The following ME3 variants were observed in gnomAD, a reference collection of about 807,000 sequenced individuals.
The protein encoded by ME3 is NADP-dependent malic enzyme, mitochondrial.
ME3 carries 48 observed loss-of-function variants against 68.9 expected under a neutral mutation model. The ratio of observed to expected loss-of-function variants is 0.70; its 90% CI spans 0.55 to 0.89. The LOEUF is 0.89. Ranked by LOEUF, ME3 falls within the 40% of genes least tolerant of loss-of-function variation. ME3 has a pLI of 0.00. For synonymous variants in ME3, 320 were observed against 318.8 expected (o/e 1.00, Z -0.04); for missense variants, 675 against 797.4 (o/e 0.85, Z 1.85).
intron 4 of ME3, among the ~76,000 whole-genome samples, chr11:86,546,461 A>G (rs954438233): frequency 6.6e-6 from 1 of 152,226 alleles, no homozygotes; most frequent in African/African-American, 2.4e-5. Flanking sequence ...ACTTAAACAA[A>G]TTTACAAGAA....
At chr11:86,613,561 T>G (rs1000867304) in intron 2 of ME3, among the ~76,000 whole-genome samples, 34 of 152,168 alleles carry the variant, frequency 2.2e-4, no homozygotes, top group Non-Finnish European at 5.9e-5. Flanking sequence ...ATTTTATATT[T>G]AGAAAACCCC....
rs190604441 is a variant in ME3 at position 86,588,617 on chromosome 11, G to C, written c.184-28794C>G. Among the ~76,000 whole-genome samples, 14 of 152,298 alleles carry C rather than the reference G, an allele frequency of 9.2e-5. No individual in the cohort carries two copies. The East Asian group carries it at 2.7e-3, about 29-fold the overall frequency. On this transcript the variant is annotated intron_variant, in intron 2 of 14. Coordinates refer to ENST00000543262, the Ensembl canonical transcript of ME3. ...GGATGAGCCATTGTTTCAGGACTTA[G>C]GCTGTGAAGGAAAAACAGCAGCCTC...
At chr11:86,547,582 T>C (rs1189896964) in intron 4 of ME3, among the ~76,000 whole-genome samples, 2 of 152,190 alleles carry the variant, frequency 1.3e-5, no homozygotes, top group Non-Finnish European at 2.9e-5. Context: ...TATACCTATG[T>C]AACAAACCTG....
chr11:86,447,598 C>G (rs1429072250), intron 11 of ME3, among the ~76,000 whole-genome samples: 1 of 152,100 alleles, frequency 6.6e-6, no homozygotes. Flanking sequence ...GCAATCCTAG[C>G]ACTTTGGGAG....
At chr11:86,562,440 G>A (rs1957281066) in intron 2 of ME3, among the ~76,000 whole-genome samples, 1 of 152,136 alleles carries the variant, frequency 6.6e-6, no homozygotes, top group African/African-American at 2.4e-5. Context: ...TGGTAAAACT[G>A]TGCTTAGCTT....
Position 86,448,538 on chromosome 11 carries a change from C to T in ME3, c.1132-283G>A, listed in dbSNP as rs957306355. Among the ~76,000 whole-genome samples, 12 of 152,252 alleles carry T rather than the reference C, an allele frequency of 7.9e-5. No individual in the cohort carries two copies. In the South Asian group the frequency reaches 1.2e-3, roughly 16 times the overall value. ...TTTGAGCTGTTAGGATTATGGCTTC[C>T]TGGGCCAGGACAGAAAGGCTTTTGG... On this transcript the variant is annotated intron_variant, in intron 10 of 14. Transcript: ENST00000543262.
chr11:86,584,489 C>G (rs142764468), intron 2 of ME3, among the ~76,000 whole-genome samples: 2 of 152,228 alleles, frequency 1.3e-5, no homozygotes, highest in East Asian at 3.9e-4. Flanking sequence ...TAATTAAAAT[C>G]AAAATCTCAA....
rs184055431 is a variant in ME3 at position 86,653,173 on chromosome 11, T to C, written c.183+18589A>G. Among the ~76,000 whole-genome samples the C allele has an allele frequency of 2.5e-3, 383 of 152,158 alleles. 1 individual carries two copies. The highest frequency in any genetic ancestry group is 8.8e-3 in the African/African-American group (367 of 41,542). Reference sequence around the variant, plus strand: ...AGACTTTAACACCCCACTGTCAACATTAGACAGATGAACGAGACAGAAAGT... The same window carrying C: ...AGACTTTAACACCCCACTGTCAACACTAGACAGATGAACGAGACAGAAAGT... On this transcript the variant is annotated intron_variant, in intron 2 of 14. Transcript: ENST00000543262.
Position 86,508,873 on chromosome 11 carries a change from A to G in ME3, c.468-6T>C. 6.2e-7 allele frequency: 1 copy of G among 1,610,546 alleles called. No homozygotes were observed. The highest frequency in any genetic ancestry group is 1.1e-5 in the South Asian group (1 of 91,014). On this transcript the variant is annotated splice_region_variant and splice_polypyrimidine_tract_variant and intron_variant, in intron 4 of 14. Transcript: ENST00000543262. ...GAATGGTGATGAACAGTCCACTAAA[A>G]GAAATAAAACACGTACACACAGAGA...
At chr11:86,449,768 C>T (rs1003643262) in intron 10 of ME3, 121 bp downstream of exon 10, 7 of 693,292 alleles carry the variant, frequency 1.0e-5, no homozygotes, top group African/African-American at 7.1e-5. Context: ...GAGCTTAGGC[C>T]ATTGCCCTCA....
In ME3 at chr11:86,556,549, T is replaced by G. The variant is rs1173175948; in HGVS notation, c.467+4A>C. The G allele has an allele frequency of 6.2e-7, 1 of 1,612,928 alleles. No homozygotes were observed. The highest frequency in any genetic ancestry group is 2.2e-5 in the East Asian group (1 of 44,866). ...CCCAGAGCCCTCACTCCACGGGGGC[T>G]CACCGGGGCCTGCGGAAAGTCAGGC... On this transcript the variant is annotated splice_donor_region_variant and intron_variant, in intron 4 of 14. Transcript: ENST00000543262.
At chr11:86,598,096 G>A (rs1006608812) in intron 2 of ME3, among the ~76,000 whole-genome samples, 12 of 152,220 alleles carry the variant, frequency 7.9e-5, no homozygotes, top group South Asian at 4.1e-4. Flanking sequence ...GACAGTGGGC[G>A]CAGGACAGTG....
At chr11:86,559,257 C>G (rs1957081576) in intron 3 of ME3, among the ~76,000 whole-genome samples, 1 of 151,962 alleles carries the variant, frequency 6.6e-6, no homozygotes, top group South Asian at 2.1e-4. Flanking sequence ...TCTCCCCCAC[C>G]ACGTCCCCCT....
intron 2 of ME3, among the ~76,000 whole-genome samples, chr11:86,583,692 A>T (rs994853463): frequency 1.3e-5 from 2 of 152,184 alleles, no homozygotes; most frequent in Non-Finnish European, 1.5e-5. Flanking sequence ...GACTTCCCTG[A>T]GGAAGCAATA....
At chr11:86,512,925 A>G (rs1395175282) in intron 4 of ME3, among the ~76,000 whole-genome samples, 2 of 152,248 alleles carry the variant, frequency 1.3e-5, no homozygotes, top group African/African-American at 4.8e-5. Context: ...AAAACAGGGC[A>G]CAAGTTTTTC....
intron 8 of ME3, among the ~76,000 whole-genome samples, chr11:86,450,758 A>G (rs1949582242): frequency 6.6e-6 from 1 of 152,208 alleles, no homozygotes; most frequent in Non-Finnish European, 1.5e-5. Context: ...GGATAAAAAC[A>G]TTTAAAAAAA....
chr11:86,540,588 G>T (rs1955982555), intron 4 of ME3, among the ~76,000 whole-genome samples: 1 of 152,140 alleles, frequency 6.6e-6, no homozygotes, highest in African/African-American at 2.4e-5. Flanking sequence ...TGGATTAAGA[G>T]TCTATAAGAA....
chr11:86,531,407 T>C lies in ME3; in HGVS notation c.468-22540A>G, dbSNP rs538198102. ...CACTTTTACACTGTTGGTGGGACTG[T>C]AAACTAGTTCAACCATTGTGGAAGT... On this transcript the variant is annotated intron_variant, in intron 4 of 14. Coordinates refer to ENST00000543262, the Ensembl canonical transcript of ME3. 3.3e-5 allele frequency among the ~76,000 whole-genome samples: 5 copies of C among 152,258 alleles called. No individual in the cohort carries two copies. In the South Asian group the frequency reaches 1.0e-3, roughly 32 times the overall value.
At chr11:86,466,597 G>A (rs1950493298) in intron 7 of ME3, among the ~76,000 whole-genome samples, 1 of 152,190 alleles carries the variant, frequency 6.6e-6, no homozygotes, top group Admixed American at 6.5e-5. Flanking sequence ...GTGGCTATGA[G>A]GGAGTGAGGA....
Sources: gnomAD v4.1 joint callset for allele counts (sites outside exome capture counted in the v4.1 genomes callset) on GRCh38, gnomAD v4.1.1 for gene constraint, MANE v1.5 for transcripts, NCBI Gene and HGNC (gene_info 2026-07-23, HGNC 2026-07-21) for gene names.